LIN28A: variants seen among roughly 807,000 people sequenced by gnomAD.
LIN28A encodes the protein lin-28 RNA binding posttranscriptional regulator A, also known as protein lin-28 homolog A.
LIN28A carries 11 observed loss-of-function variants against 21.1 expected under a neutral mutation model. The observed-to-expected ratio is 0.52, with a 90% CI of 0.33 to 0.86. The LOEUF is 0.86. Ranked by LOEUF, LIN28A falls within the 40% of genes least tolerant of loss-of-function variation. The pLI is 0.03. For synonymous variants in LIN28A, 111 were observed against 108.7 expected (o/e 1.02, Z -0.13); for missense variants, 219 against 279.8 (o/e 0.78, Z 1.55).
Position 26,427,855 on chromosome 1 carries a change from G to T in LIN28A, c.*1397G>T, listed in dbSNP as rs2075068743. The T allele has an allele frequency of 6.5e-6, 1 of 152,712 alleles. No individual in the cohort carries two copies. The highest frequency in any genetic ancestry group is 1.5e-5 in the Non-Finnish European group (1 of 68,046). The allele number at this position is 152,712 out of a possible 1,614,324, so 9.5% of individuals were successfully genotyped here. A position where few individuals can be genotyped will look rare whatever the true frequency, so the allele number is the denominator to read the frequency against. On this transcript the variant is annotated 3_prime_UTR_variant, in exon 4 of 4. Transcript: ENST00000326279. ...ACAAGCGAGGGTTTTGTGGTGCCTGGAGCCTGTGTCCTGCCCTGCTACAGT... is the reference window on the plus strand; with the variant it reads ...ACAAGCGAGGGTTTTGTGGTGCCTGTAGCCTGTGTCCTGCCCTGCTACAGT...
intron 2 of LIN28A, among the ~76,000 whole-genome samples, chr1:26,423,194 C>G (rs1221128754): frequency 6.6e-6 from 1 of 151,788 alleles, no homozygotes; most frequent in African/African-American, 2.4e-5. Flanking sequence ...GGTCTGCGCA[C>G]CATACCCAGC....
At chr1:26,415,087 C>T (rs2074985081) in intron 2 of LIN28A, among the ~76,000 whole-genome samples, 1 of 152,182 alleles carries the variant, frequency 6.6e-6, no homozygotes, top group Non-Finnish European at 1.5e-5. Context: ...CATAGCTCCT[C>T]AGGACCCAGA....
chr1:26,416,569 G>A (rs2074994573), intron 2 of LIN28A, among the ~76,000 whole-genome samples: 1 of 152,092 alleles, frequency 6.6e-6, no homozygotes, highest in African/African-American at 2.4e-5. Context: ...AAGGAGTTGG[G>A]GGAGAATACA....
At position 26,410,835 on chromosome 1, in the gene LIN28A, T is replaced by C. The variant is rs1570306598; in HGVS notation, c.-57T>C. 1 of 1,596,798 alleles carries C rather than the reference T, an allele frequency of 6.3e-7. No homozygotes were observed. Among genetic ancestry groups the C allele is most frequent in the South Asian group, 1.1e-5 (1 of 90,704 alleles). On this transcript the variant is annotated 5_prime_UTR_variant, in exon 1 of 4. Coordinates refer to ENST00000326279, the MANE Select transcript of LIN28A (RefSeq NM_024674.6). ...AACCAACCCTTTGCCTTCGGACTTC[T>C]CCGGGGCCAGCAGCCGCCCGACCAG...
chr1:26,414,503 C>T (rs1413944896), intron 2 of LIN28A, among the ~76,000 whole-genome samples: 2 of 152,254 alleles, frequency 1.3e-5, no homozygotes, highest in African/African-American at 4.8e-5. Flanking sequence ...ATATCCTCTT[C>T]AAGAGTAGAT....
Position 26,426,239 on chromosome 1 carries a change from T to C in LIN28A, c.414-3T>C. ...TTACTTTTACGATCTTGCTTTGTAC[T>C]AGGTGCTACAACTGTGGAGGTCTAG... On this transcript the variant is annotated splice_region_variant and splice_polypyrimidine_tract_variant and intron_variant, in intron 3 of 3. Coordinates refer to ENST00000326279, the MANE Select transcript of LIN28A (RefSeq NM_024674.6). 6.2e-7 allele frequency: 1 copy of C among 1,613,420 alleles called. No individual in the cohort carries two copies. The highest frequency in any genetic ancestry group is 8.5e-7 in the Non-Finnish European group (1 of 1,179,354).
At chr1:26,418,621 C>T (rs1416934161) in intron 2 of LIN28A, among the ~76,000 whole-genome samples, 3 of 152,010 alleles carry the variant, frequency 2.0e-5, no homozygotes, top group African/African-American at 7.2e-5. Context: ...ATGTAGGCTC[C>T]CCACAGTCCT....
chr1:26,414,518 G>T (rs575744164), intron 2 of LIN28A, among the ~76,000 whole-genome samples: 1 of 152,204 alleles, frequency 6.6e-6, no homozygotes, highest in East Asian at 1.9e-4. Flanking sequence ...GTAGATGAGT[G>T]GGGGGAAAAG....
chr1:26,413,247 A>G (rs2074971910), intron 2 of LIN28A, among the ~76,000 whole-genome samples: 1 of 152,130 alleles, frequency 6.6e-6, no homozygotes, highest in Non-Finnish European at 1.5e-5. Flanking sequence ...AGGCTGGAAT[A>G]AAAGAGTCAG....
chr1:26,428,472 A>C lies in LIN28A; in HGVS notation c.*2014A>C, dbSNP rs1476525099. 1.3e-5 allele frequency: 2 copies of C among 151,916 alleles called. No individual in the cohort carries two copies. The highest frequency in any genetic ancestry group is 6.6e-5 in the Admixed American group (1 of 15,240). The allele number at this position is 151,916 out of a possible 1,614,324, so 9.4% of individuals were successfully genotyped here. A position where few individuals can be genotyped will look rare whatever the true frequency, so the allele number is the denominator to read the frequency against. On this transcript the variant is annotated 3_prime_UTR_variant, in exon 4 of 4. Transcript: ENST00000326279. The stretch of plus-strand genomic sequence containing the variant: ...ACTCTTAAATGATGTATGCAAAAAT[A>C]CTGAAGCTAGGAAAACCCTCCATCC...
In LIN28A at chr1:26,427,893, T is replaced by C. The variant is rs1557427787; in HGVS notation, c.*1435T>C. 1 of 152,552 alleles carries C rather than the reference T, an allele frequency of 6.6e-6. No individual in the cohort carries two copies. The highest frequency in any genetic ancestry group is 1.5e-5 in the Non-Finnish European group (1 of 68,046). 9.4% of individuals were successfully genotyped at this position (152,552 alleles called of 1,614,324 possible). On this transcript the variant is annotated 3_prime_UTR_variant, in exon 4 of 4. Transcript: ENST00000326279. The stretch of plus-strand genomic sequence containing the variant: ...GCCCTGCTACAGTAGTGATTAATAG[T>C]GTCATGGTAGCTAAAGGAGAAAAAG...
intron 2 of LIN28A, among the ~76,000 whole-genome samples, chr1:26,412,786 C>A (rs1404002891): frequency 1.3e-5 from 2 of 152,006 alleles, no homozygotes; most frequent in African/African-American, 4.8e-5. Flanking sequence ...TAGTTGGAGG[C>A]AGCAGGGACG....
intron 2 of LIN28A, among the ~76,000 whole-genome samples, chr1:26,413,627 C>A (rs943717365): frequency 4.6e-5 from 7 of 152,010 alleles, no homozygotes; most frequent in Non-Finnish European, 8.8e-5. Context: ...TCTCTCTAAT[C>A]CCCAGCTCTT....
chr1:26,411,598 G>T lies in LIN28A; in HGVS notation c.228+16G>T, dbSNP rs780623692. On this transcript the variant is annotated intron_variant, in intron 2 of 3. Transcript: ENST00000326279. The surrounding 1 kb of genome is among the most constrained non-coding windows in gnomAD (Gnocchi z 5.4). ...TGTGCACCAGGTGAGACTGATTCCG[G>T]TAACTTTGCCCAGGGAAGGGCGTCT... The T allele has an allele frequency of 6.2e-7, 1 of 1,606,942 alleles. No individual in the cohort carries two copies. Among genetic ancestry groups the T allele is most frequent in the East Asian group, 2.2e-5 (1 of 44,676 alleles).
At chr1:26,423,553 A>G (rs2075040762) in intron 2 of LIN28A, among the ~76,000 whole-genome samples, 1 of 149,506 alleles carries the variant, frequency 6.7e-6, no homozygotes, top group African/African-American at 2.5e-5. Context: ...GGGATTATAG[A>G]TGCCCACCAC....
chr1:26,424,215 T>G (rs1557763942), intron 2 of LIN28A, among the ~76,000 whole-genome samples: 1 of 152,132 alleles, frequency 6.6e-6, no homozygotes, highest in Non-Finnish European at 1.5e-5. Flanking sequence ...AATATTTCAG[T>G]GCTTCATAGC....
intron 2 of LIN28A, among the ~76,000 whole-genome samples, chr1:26,415,226 A>G (rs139442708): frequency 7.6e-4 from 116 of 152,334 alleles, no homozygotes; most frequent in African/African-American, 2.6e-3. Context: ...TTCAATACCT[A>G]GACAACTGCT....
rs1251771102 is a variant in LIN28A, at chr1:26,411,595, C to A, written c.228+13C>A. 6.2e-7 allele frequency: 1 copy of A among 1,607,258 alleles called. No individual in the cohort carries two copies. Among genetic ancestry groups the A allele is most frequent in the Non-Finnish European group, 8.5e-7 (1 of 1,178,132 alleles). ...CTTTGTGCACCAGGTGAGACTGATT[C>A]CGGTAACTTTGCCCAGGGAAGGGCG... On this transcript the variant is annotated intron_variant, in intron 2 of 3. Transcript: ENST00000326279. The surrounding 1 kb of genome is among the most constrained non-coding windows in gnomAD (Gnocchi z 5.4).
At chr1:26,421,949 C>T (rs887838880) in intron 2 of LIN28A, among the ~76,000 whole-genome samples, 1 of 151,736 alleles carries the variant, frequency 6.6e-6, no homozygotes, top group African/African-American at 2.4e-5. Context: ...AAGTTGGAGA[C>T]AGTAAGCACT....
Sources: gnomAD v4.1 joint callset for allele counts (sites outside exome capture counted in the v4.1 genomes callset) on GRCh38, gnomAD v4.1.1 for gene constraint, Gnocchi (gnomAD v3.1) non-coding constraint, MANE v1.5 for transcripts, NCBI Gene and HGNC (gene_info 2026-07-23, HGNC 2026-07-21) for gene names.